The following VAV1 variants were observed in gnomAD, a reference collection of about 807,000 sequenced individuals.
VAV1 encodes the protein proto-oncogene vav.
Under a neutral mutation model 128.1 loss-of-function variants are expected in VAV1, and 33 were observed. The ratio of observed to expected loss-of-function variants is 0.26; its 90% CI spans 0.20 to 0.34. The LOEUF is 0.34. Ranked by LOEUF, VAV1 falls within the 10% of genes least tolerant of loss-of-function variation. VAV1 has a pLI of 1.00. For missense variants in VAV1, 715 were observed against 1,093.7 expected, an observed-to-expected ratio of 0.65 and a Z score of 4.88; for synonymous variants, 394 against 409.8, an observed-to-expected ratio of 0.96 and a Z score of 0.47.
At chr19:6,852,760 A>G (rs1480913743) in intron 24 of VAV1, among the ~76,000 whole-genome samples, 1 of 151,638 alleles carries the variant, frequency 6.6e-6, no homozygotes, top group Non-Finnish European at 1.5e-5. Flanking sequence ...TGTTTTAGGC[A>G]GTGTGGTCCC....
chr19:6,800,788 A>T (rs973240063), intron 1 of VAV1, among the ~76,000 whole-genome samples: 4 of 53,786 alleles, frequency 7.4e-5, no homozygotes, highest in African/African-American at 2.6e-4. Context: ...CGCCTGGCAA[A>T]TTTTTGTGTG....
intron 1 of VAV1, among the ~76,000 whole-genome samples, chr19:6,780,068 G>GCA (rs1970734865): frequency 6.8e-6 from 1 of 146,852 alleles, no homozygotes; most frequent in Admixed American, 6.8e-5. Context: ...CCGAGATCAG[G>GCA]CCACTGCACT....
intron 1 of VAV1, among the ~76,000 whole-genome samples, chr19:6,814,690 T>TCTCTC (rs1568299311): frequency 8.1e-6 from 1 of 123,132 alleles, no homozygotes; most frequent in African/African-American, 3.7e-5. Flanking sequence ...CTTTCTTTCT[T>TCTCTC]TCTTTCTTTC....
intron 16 of VAV1, 51 bp from the exon 17 acceptor site, chr19:6,833,477 C>T (rs761782853): frequency 1.3e-6 from 2 of 1,518,850 alleles, no homozygotes; most frequent in Non-Finnish European, 1.8e-6. Context: ...GAATATTTGG[C>T]CCTGTCTGTA....
In VAV1 at chr19:6,833,931, G is replaced by A. The variant is rs1052570396; in HGVS notation, c.1755G>A (p.Gln585=). The A allele has an allele frequency of 1.2e-6, 2 of 1,613,940 alleles. No homozygotes were observed. Among genetic ancestry groups the A allele is most frequent in the Non-Finnish European group, 1.7e-6 (2 of 1,180,032 alleles). Residue 585 remains glutamine, a synonymous_variant, in exon 19 of 27, where the codon CAG becomes CAA. Transcript: ENST00000602142. ...AGGACAAACTACATCGCAGGGCTCA[G>A]GACAAAAAGAGGAATGAGCTGGGTG... ...MKKDKLHRRA[Q]DKKRNELGLP... is the part of the protein sequence containing the mutation.
chr19:6,822,387 C>A lies in VAV1; in HGVS notation c.559-32C>A. The A allele has an allele frequency of 4.5e-6, 7 of 1,553,384 alleles. No homozygotes were observed. The highest frequency in any genetic ancestry group is 6.1e-6 in the Non-Finnish European group (7 of 1,149,612). The stretch of plus-strand genomic sequence containing the variant: ...GCGTGGGCGGGGGGCAGCCCCAGGC[C>A]CCCCAACACCGGCCTCTCCCCTCGC... On this transcript the variant is annotated intron_variant, in intron 5 of 26. Coordinates refer to ENST00000602142, the MANE Select transcript of VAV1 (RefSeq NM_005428.4). This position sits in a 1 kb window ranked among gnomAD's most constrained non-coding sequence, Gnocchi z 5.9.
chr19:6,782,252 C>G (rs554267502), intron 1 of VAV1, among the ~76,000 whole-genome samples: 1 of 152,064 alleles, frequency 6.6e-6, no homozygotes, highest in African/African-American at 2.4e-5. Flanking sequence ...ATCCCTTGAA[C>G]CCAGGAGGCG....
chr19:6,784,801 T>C (rs984207293), intron 1 of VAV1, among the ~76,000 whole-genome samples: 3 of 151,930 alleles, frequency 2.0e-5, no homozygotes, highest in Non-Finnish European at 4.4e-5. Flanking sequence ...GCCTCCATTC[T>C]ATTCTATTCA....
At chr19:6,837,412 C>T (rs987760597) in intron 21 of VAV1, among the ~76,000 whole-genome samples, 1 of 152,084 alleles carries the variant, frequency 6.6e-6, no homozygotes, top group Non-Finnish European at 1.5e-5. Context: ...TGTCCTTGCC[C>T]TGCTCCTGGT....
At chr19:6,814,716 C>CTTTA (rs1555701503) in intron 1 of VAV1, among the ~76,000 whole-genome samples, 1 of 132,000 alleles carries the variant, frequency 7.6e-6, no homozygotes, top group Non-Finnish European at 1.6e-5. Context: ...TTCTTTCTTT[C>CTTTA]TTTCTTTCTT....
chr19:6,801,482 T>C (rs1362709856), intron 1 of VAV1, among the ~76,000 whole-genome samples: 4 of 152,022 alleles, frequency 2.6e-5, no homozygotes, highest in African/African-American at 4.8e-5. Flanking sequence ...GTTTGAGGGC[T>C]AGGATGAGGC....
intron 21 of VAV1, among the ~76,000 whole-genome samples, chr19:6,840,479 G>A (rs977311536): frequency 7.3e-6 from 1 of 137,788 alleles, no homozygotes; most frequent in South Asian, 2.3e-4. Flanking sequence ...CTAATTTTTT[G>A]TATTTTTAGT....
In VAV1 at chr19:6,832,587, CTCCTCT is replaced by C. The variant is rs948812781; in HGVS notation, c.1508+399_1508+404del. Among the ~76,000 whole-genome samples, 41 of 128,376 alleles carry C rather than the reference CTCCTCT, an allele frequency of 3.2e-4. No individual in the cohort carries two copies. The East Asian group carries it at 0.012, about 38-fold the overall frequency. 84.2% of individuals were successfully genotyped at this position (128,376 alleles called of 152,430 possible). Reference sequence around the variant, plus strand: ...CTTCCTCCCCTTCCTCCTCCTCGCCCTCCTCTTCCTCTTCCTCCTATTCCTCCTCCA... The same window carrying C: ...CTTCCTCCCCTTCCTCCTCCTCGCCCTCCTCTTCCTCCTATTCCTCCTCCA... On this transcript the variant is annotated intron_variant, in intron 15 of 26. Coordinates refer to ENST00000602142, the MANE Select transcript of VAV1 (RefSeq NM_005428.4).
chr19:6,804,484 T>C (rs1235009997), intron 1 of VAV1, among the ~76,000 whole-genome samples: 10 of 151,818 alleles, frequency 6.6e-5, no homozygotes, highest in Admixed American at 6.6e-4. Flanking sequence ...TAGTGCAATC[T>C]CAGCTCATTG....
chr19:6,804,503 G>C (rs1371349474), intron 1 of VAV1, among the ~76,000 whole-genome samples: 2 of 151,704 alleles, frequency 1.3e-5, no homozygotes, highest in Non-Finnish European at 1.5e-5. Context: ...TGCAACCTCT[G>C]CCTCCCAGGT....
chr19:6,818,214 A>G (rs1971702451), intron 1 of VAV1, among the ~76,000 whole-genome samples: 1 of 152,206 alleles, frequency 6.6e-6, no homozygotes, highest in African/African-American at 2.4e-5. Flanking sequence ...GGGATTTTAA[A>G]TAGGGTGGCT....
At chr19:6,781,393 T>G (rs1599616437) in intron 1 of VAV1, among the ~76,000 whole-genome samples, 1 of 152,130 alleles carries the variant, frequency 6.6e-6, no homozygotes, top group Admixed American at 6.6e-5. Flanking sequence ...CGACAGACGG[T>G]TCTGTTGCCA....
Position 6,831,995 on chromosome 19 carries a change from G to T in VAV1, c.1399-96G>T, listed in dbSNP as rs1198513925. 12 of 976,980 alleles carry T rather than the reference G, an allele frequency of 1.2e-5. No homozygotes were observed. The Admixed American group carries it at 2.0e-4, about 16-fold the overall frequency. 60.5% of individuals were successfully genotyped at this position (976,980 alleles called of 1,614,324 possible). ...TGCTAGGGGCATAGAGACTGTCATG[G>T]GCTTGCCTGTTCCCTACAGAGGGAG... On this transcript the variant is annotated intron_variant, in intron 14 of 26. Transcript: ENST00000602142.
intron 1 of VAV1, among the ~76,000 whole-genome samples, chr19:6,796,632 C>T (rs1971142466): frequency 6.6e-6 from 1 of 152,212 alleles, no homozygotes; most frequent in African/African-American, 2.4e-5. Context: ...CCTCCAGACA[C>T]CCACCTGGAT....
Sources: allele counts gnomAD v4.1 joint callset (sites outside exome capture counted in the v4.1 genomes callset), GRCh38; gene constraint gnomAD v4.1.1; non-coding constraint Gnocchi (gnomAD v3.1); transcripts MANE v1.5; gene names NCBI Gene and HGNC (gene_info 2026-07-23, HGNC 2026-07-21).